SV2B: variants seen among roughly 807,000 people sequenced by gnomAD.
SV2B encodes the protein synaptic vesicle glycoprotein 2B.
In SV2B, 41 loss-of-function variants were observed where a neutral mutation model predicts 73.9. The observed-to-expected ratio is 0.56, with a 90% CI of 0.43 to 0.72. The LOEUF (loss-of-function observed/expected upper bound fraction) is 0.72, where lower values mean the gene tolerates loss of function less well. Ranked by LOEUF, SV2B falls within the 30% of genes least tolerant of loss-of-function variation. SV2B has a pLI of 0.00. For missense variants in SV2B, 764 were observed against 857.8 expected (o/e 0.89, Z 1.37); for synonymous variants, 314 against 314.2 (o/e 1.00, Z 0.01).
At position 91,121,923 on chromosome 15, in the gene SV2B, T is replaced by C. The variant is rs866636248; in HGVS notation, c.-392+21560T>C. On this transcript the variant is annotated intron_variant, in intron 1 of 12. Coordinates refer to ENST00000394232, the MANE Select transcript of SV2B (RefSeq NM_001323032.3). The surrounding 1 kb of genome is among the most constrained non-coding windows in gnomAD (Gnocchi z 4.4). Reference sequence around the variant, plus strand: ...CCGAGTAGCTGGGACTACAGGTGCCTGCCACCACCCCCAGCTAATTTTTTG... The same window carrying C: ...CCGAGTAGCTGGGACTACAGGTGCCCGCCACCACCCCCAGCTAATTTTTTG... 1.3e-5 allele frequency among the ~76,000 whole-genome samples: 2 copies of C among 152,012 alleles called. No individual in the cohort carries two copies. The highest frequency in any genetic ancestry group is 2.1e-4 in the South Asian group (1 of 4,826).
At chr15:91,233,963 T>A (rs1033707416) in intron 2 of SV2B, among the ~76,000 whole-genome samples, 6 of 152,244 alleles carry the variant, frequency 3.9e-5, no homozygotes, top group African/African-American at 1.4e-4. Flanking sequence ...TGTGGGATAC[T>A]GGTGGAAGAA....
At chr15:91,108,607 A>G (rs906674549) in intron 1 of SV2B, among the ~76,000 whole-genome samples, 2 of 152,212 alleles carry the variant, frequency 1.3e-5, no homozygotes, top group Non-Finnish European at 2.9e-5. Context: ...GGCCTGGGCA[A>G]GAGATCAGCA....
chr15:91,287,868 G>A (rs2048913819), intron 11 of SV2B, among the ~76,000 whole-genome samples: 2 of 152,186 alleles, frequency 1.3e-5, no homozygotes, highest in Admixed American at 1.3e-4. Flanking sequence ...CTATGGCTGT[G>A]AGGACAAGGG....
intron 1 of SV2B, among the ~76,000 whole-genome samples, chr15:91,120,760 G>A (rs2042309532): frequency 6.7e-6 from 1 of 149,028 alleles, no homozygotes; most frequent in Non-Finnish European, 1.5e-5. Flanking sequence ...GTTGCAGTGA[G>A]CTGTGATCGT....
chr15:91,268,450 A>G lies in SV2B; in HGVS notation c.1218A>G (p.Gly406=). Residue 406 remains glycine, a synonymous_variant, in exon 9 of 13, where the codon GGA becomes GGG. Coordinates refer to ENST00000394232, the MANE Select transcript of SV2B (RefSeq NM_001323032.3). The surrounding 1 kb of genome is among the most constrained non-coding windows in gnomAD (Gnocchi z 4.4). ...VWFAMAFSYY[G]LTVWFPDMIR... ...GCCTTCTCCACTCCAGTTACTATGG[A>G]CTGACAGTTTGGTTTCCTGATATGA... 1.2e-6 allele frequency: 2 copies of G among 1,613,518 alleles called. No homozygotes were observed. Among genetic ancestry groups the G allele is most frequent in the Non-Finnish European group, 1.7e-6 (2 of 1,179,538 alleles).
intron 6 of SV2B, 61 bp downstream of exon 6, chr15:91,260,470 T>G (rs1309955693): frequency 4.4e-6 from 6 of 1,355,460 alleles, no homozygotes; most frequent in Middle Eastern, 1.9e-4. Context: ...TTTGATTTAC[T>G]AAAAAGTAAT....
rs930212141 is a variant in SV2B at position 91,223,320 on chromosome 15, ATGATTAATAGT to A, written c.-391-2550_-391-2540del. On this transcript the variant is annotated intron_variant, in intron 1 of 12. Coordinates refer to ENST00000394232, the MANE Select transcript of SV2B (RefSeq NM_001323032.3). This position sits in a 1 kb window ranked among gnomAD's most constrained non-coding sequence, Gnocchi z 4.6. ...CACAATTCAGCCAGTACCATTGAAA[ATGATTAATAGT>A]TGTGTTTCTTAAATGAAATAGAAAT... is the stretch of plus-strand genomic sequence containing the variant. 1.3e-5 allele frequency among the ~76,000 whole-genome samples: 2 copies of A among 152,212 alleles called. No individual in the cohort carries two copies. Among genetic ancestry groups the A allele is most frequent in the Non-Finnish European group, 2.9e-5 (2 of 68,042 alleles).
In SV2B at chr15:91,226,694, G is replaced by A. The variant is rs758080064; in HGVS notation, c.431G>A (p.Ser144Asn). The A allele has an allele frequency of 1.2e-6, 2 of 1,606,384 alleles. No individual in the cohort carries two copies. Among genetic ancestry groups the A allele is most frequent in the East Asian group, 2.2e-5 (1 of 44,854 alleles). ...PSAEKDMCLS[S>N]SKKGMLGMIV... ...GCAGAGAAGGACATGTGTCTGTCCA[G>A]TTCCAAAAAAGGAATGCTAGGTAAG... The change falls in exon 2 of 13, where the codon AGT becomes AAT. Residue 144 changes from serine to asparagine, a missense_variant. Coordinates refer to ENST00000394232, the MANE Select transcript of SV2B (RefSeq NM_001323032.3).
chr15:91,182,646 G>A (rs765701618), intron 1 of SV2B, among the ~76,000 whole-genome samples: 1 of 152,154 alleles, frequency 6.6e-6, no homozygotes, highest in Non-Finnish European at 1.5e-5. Context: ...GGGCATCTAC[G>A]ATGGGTCAGC....
In SV2B at chr15:91,136,507, G is replaced by T. The variant is rs1237279485; in HGVS notation, c.-392+36144G>T. On this transcript the variant is annotated intron_variant, in intron 1 of 12. Transcript: ENST00000394232. The surrounding 1 kb of genome is among the most constrained non-coding windows in gnomAD (Gnocchi z 5.6). ...GGTGCTTTGTCCCAGGGAGAGAACT[G>T]TGCGGCGGAGTAAGGCTCTTGACTC... 6.6e-6 allele frequency among the ~76,000 whole-genome samples: 1 copy of T among 152,228 alleles called. No homozygotes were observed. The highest frequency in any genetic ancestry group is 1.5e-5 in the Non-Finnish European group (1 of 68,042).
intron 4 of SV2B, among the ~76,000 whole-genome samples, chr15:91,257,185 A>G (rs1020642482): frequency 6.6e-6 from 1 of 152,202 alleles, no homozygotes; most frequent in African/African-American, 2.4e-5. Context: ...CCTTGGCACT[A>G]AATGTCATGG....
In SV2B at chr15:91,100,852, G is replaced by A. The variant is rs1326392188; in HGVS notation, c.-392+489G>A. 6.6e-6 allele frequency among the ~76,000 whole-genome samples: 1 copy of A among 152,226 alleles called. No homozygotes were observed. Among genetic ancestry groups the A allele is most frequent in the South Asian group, 2.1e-4 (1 of 4,828 alleles). On this transcript the variant is annotated intron_variant, in intron 1 of 12. Coordinates refer to ENST00000394232, the MANE Select transcript of SV2B (RefSeq NM_001323032.3). The surrounding 1 kb of genome is among the most constrained non-coding windows in gnomAD (Gnocchi z 6.4). ...TTTCTGTATGTGCAGGGCGCCCTCC[G>A]TGGGCGTGGGAGCCGTTTCTTAGGG...
At chr15:91,218,548 C>T (rs571057333) in intron 1 of SV2B, among the ~76,000 whole-genome samples, 83 of 152,212 alleles carry the variant, frequency 5.5e-4, no homozygotes, top group Admixed American at 5.9e-4. Flanking sequence ...CATTAGTACC[C>T]GTCTGAGTGT....
intron 1 of SV2B, among the ~76,000 whole-genome samples, chr15:91,146,537 T>C (rs1219606737): frequency 6.6e-6 from 1 of 152,222 alleles, no homozygotes; most frequent in Non-Finnish European, 1.5e-5. Context: ...CTTTGGGCAG[T>C]GTGGCCATTT....
rs990722453 is a variant in SV2B, at chr15:91,197,242, TTTTGA to T, written c.-391-28630_-391-28626del. On this transcript the variant is annotated intron_variant, in intron 1 of 12. Coordinates refer to ENST00000394232, the MANE Select transcript of SV2B (RefSeq NM_001323032.3). This position sits in a 1 kb window ranked among gnomAD's most constrained non-coding sequence, Gnocchi z 4.9. ...TTTTGTTTTGTTTTGTTTTGTTTTGTTTTGAGACAGAGTTTCATTCTCGTTGCCCA... is the reference window on the plus strand; with the variant it reads ...TTTTGTTTTGTTTTGTTTTGTTTTGTGACAGAGTTTCATTCTCGTTGCCCA... 2.0e-5 allele frequency among the ~76,000 whole-genome samples: 3 copies of T among 152,140 alleles called. No individual in the cohort carries two copies. Among genetic ancestry groups the T allele is most frequent in the Admixed American group, 6.5e-5 (1 of 15,282 alleles).
intron 2 of SV2B, among the ~76,000 whole-genome samples, chr15:91,251,426 A>C (rs1167421370): frequency 6.6e-6 from 1 of 152,178 alleles, no homozygotes; most frequent in Non-Finnish European, 1.5e-5. Flanking sequence ...CCTAATATCC[A>C]CTTTGCCACA....
In SV2B at chr15:91,283,300, C is replaced by G. The variant is rs928467510; in HGVS notation, c.1508-721C>G. Among the ~76,000 whole-genome samples the G allele has an allele frequency of 3.9e-5, 6 of 152,220 alleles. No homozygotes were observed. Among genetic ancestry groups the G allele is most frequent in the African/African-American group, 1.4e-4 (6 of 41,458 alleles). On this transcript the variant is annotated intron_variant, in intron 10 of 12. Coordinates refer to ENST00000394232, the MANE Select transcript of SV2B (RefSeq NM_001323032.3). This position sits in a 1 kb window ranked among gnomAD's most constrained non-coding sequence, Gnocchi z 4.3. Reference sequence around the variant, plus strand: ...ACAGCATGGGCTCTGGAGTGATCGGCTCCATCTGGAACCAACTCTCTTGTG... The same window carrying G: ...ACAGCATGGGCTCTGGAGTGATCGGGTCCATCTGGAACCAACTCTCTTGTG...
chr15:91,143,581 A>G (rs1234147853), intron 1 of SV2B, among the ~76,000 whole-genome samples: 1 of 152,186 alleles, frequency 6.6e-6, no homozygotes, highest in East Asian at 1.9e-4. Flanking sequence ...CATTTACAAA[A>G]TATAGTAATT....
rs550754963 is a variant in SV2B at position 91,122,746 on chromosome 15, C to T, written c.-392+22383C>T. On this transcript the variant is annotated intron_variant, in intron 1 of 12. Coordinates refer to ENST00000394232, the MANE Select transcript of SV2B (RefSeq NM_001323032.3). The surrounding 1 kb of genome is among the most constrained non-coding windows in gnomAD (Gnocchi z 4.3). ...GGAGGATATTACATTAAATGAAATA[C>T]GCCGGGCACAGAGAGACAAACACTG... Among the ~76,000 whole-genome samples, 13 of 152,210 alleles carry T rather than the reference C, an allele frequency of 8.5e-5. No individual in the cohort carries two copies. Among genetic ancestry groups the T allele is most frequent in the African/African-American group, 2.9e-4 (12 of 41,506 alleles).
Sources: gnomAD v4.1 joint callset for allele counts (sites outside exome capture counted in the v4.1 genomes callset) on GRCh38, gnomAD v4.1.1 for gene constraint, Gnocchi (gnomAD v3.1) non-coding constraint, MANE v1.5 for transcripts, NCBI Gene and HGNC (gene_info 2026-07-23, HGNC 2026-07-21) for gene names.